Variants in KCNS2 observed in about 807,000 individuals in gnomAD.
KCNS2 encodes the protein delayed-rectifier potassium channel regulatory subunit KCNS2.
In KCNS2, 15 loss-of-function variants were observed where a neutral mutation model predicts 28.3. The ratio of observed to expected loss-of-function variants is 0.53; its 90% CI spans 0.35 to 0.82. The LOEUF (loss-of-function observed/expected upper bound fraction) is 0.82, where lower values mean the gene tolerates loss of function less well. Among genes scored for constraint, KCNS2 ranks in the 40% least tolerant of loss-of-function variants. KCNS2 has a pLI of 0.01. For missense variants in KCNS2, 501 were observed against 617.1 expected (o/e 0.81, Z 1.99); for synonymous variants, 254 against 256.7 (o/e 0.99, Z 0.10).
Position 98,430,965 on chromosome 8 carries a change from T to G in KCNS2, c.*1552T>G, listed in dbSNP as rs761885754. ...GTGATGGGGAACCTGGGTTCCTCTATAAGATAATTCTTCTCCATCATCTTT... is the reference window on the plus strand; with the variant it reads ...GTGATGGGGAACCTGGGTTCCTCTAGAAGATAATTCTTCTCCATCATCTTT... On this transcript the variant is annotated 3_prime_UTR_variant, in exon 2 of 2. Coordinates refer to ENST00000287042, the MANE Select transcript of KCNS2 (RefSeq NM_020697.4). The G allele has an allele frequency of 6.0e-6, 1 of 167,138 alleles. No individual in the cohort carries two copies. Among genetic ancestry groups the G allele is most frequent in the Admixed American group, 6.5e-5 (1 of 15,290 alleles). 10.4% of individuals were successfully genotyped at this position (167,138 alleles called of 1,614,324 possible).
rs998735488 is a variant in KCNS2 at position 98,428,967 on chromosome 8, G to C, written c.988G>C (p.Gly330Arg). 14 of 1,614,022 alleles carry C rather than the reference G, an allele frequency of 8.7e-6. No individual in the cohort carries two copies. The highest frequency in any genetic ancestry group is 4.0e-5 in the African/African-American group (3 of 74,922). Residue 330 changes from glycine (G) to arginine (R), a missense_variant, in exon 2 of 2, where the codon GGG becomes CGG. Gly to Arg is a moderately radical substitution (Grantham distance 125, BLOSUM62 -2). Transcript: ENST00000287042. This position sits in a 1 kb window ranked among gnomAD's most constrained non-coding sequence, Gnocchi z 6.7. ...ATLKYSYKEV[G>R]LLLLYLSVGI... ...TTTGAAATACAGCTACAAAGAAGTAGGGCTGCTCTTGCTCTACCTCTCCGT... is the reference window on the plus strand; with the variant it reads ...TTTGAAATACAGCTACAAAGAAGTACGGCTGCTCTTGCTCTACCTCTCCGT...
rs1818297759 is a variant in KCNS2, at chr8:98,429,488, A to G, written c.*75A>G. On this transcript the variant is annotated 3_prime_UTR_variant, in exon 2 of 2. Coordinates refer to ENST00000287042, the MANE Select transcript of KCNS2 (RefSeq NM_020697.4). ...GCCTCTGGCACAGCCCAGGCACCTT[A>G]TGGTTATGGTGTAAGGAGTATGCCC... 3 of 1,073,014 alleles carry G rather than the reference A, an allele frequency of 2.8e-6. No homozygotes were observed. Among genetic ancestry groups the G allele is most frequent in the Non-Finnish European group, 4.2e-6 (3 of 718,296 alleles). The allele number at this position is 1,073,014 out of a possible 1,614,324, so 66.5% of individuals were successfully genotyped here.
rs1467294833 is a variant in KCNS2, at chr8:98,429,756, T to C, written c.*343T>C. The C allele has an allele frequency of 4.5e-6, 1 of 221,666 alleles. No individual in the cohort carries two copies. Among genetic ancestry groups the C allele is most frequent in the Non-Finnish European group, 9.7e-6 (1 of 102,800 alleles). 13.7% of individuals were successfully genotyped at this position (221,666 alleles called of 1,614,324 possible). A position where few individuals can be genotyped will look rare whatever the true frequency, so the allele number is the denominator to read the frequency against. ...AGTGCTTGTGGCCCAGTACTGTCTA[T>C]GAGTTGTCGTGCTCCTGTTTCTGAG... On this transcript the variant is annotated 3_prime_UTR_variant, in exon 2 of 2. Coordinates refer to ENST00000287042, the MANE Select transcript of KCNS2 (RefSeq NM_020697.4).
In KCNS2 at chr8:98,432,373, G is replaced by T. The variant is rs1283603811; in HGVS notation, c.*2960G>T. 6.0e-6 allele frequency: 1 copy of T among 167,090 alleles called. No homozygotes were observed. The highest frequency in any genetic ancestry group is 1.5e-5 in the Non-Finnish European group (1 of 68,128). The allele number at this position is 167,090 out of a possible 1,614,324, so 10.4% of individuals were successfully genotyped here. A position where few individuals can be genotyped will look rare whatever the true frequency, so the allele number is the denominator to read the frequency against. The stretch of plus-strand genomic sequence containing the variant: ...CCAGTGGGCCAAATATATGGGCCAG[G>T]CTTTGATATCTGTGATGTGCATTTT... On this transcript the variant is annotated 3_prime_UTR_variant, in exon 2 of 2. Transcript: ENST00000287042.
At position 98,427,016 on chromosome 8, in the gene KCNS2, C is replaced by T. The variant is rs1818244071; in HGVS notation, c.-356C>T. ...CCGTCACACCCGCTCTGCTCCCGCC[C>T]CGGCTCACGGGGCGAATGCGGCGCG... On this transcript the variant is annotated 5_prime_UTR_variant, in exon 1 of 2. Transcript: ENST00000287042. The T allele has an allele frequency of 6.6e-6, 1 of 150,628 alleles. No individual in the cohort carries two copies. Among genetic ancestry groups the T allele is most frequent in the Admixed American group, 6.6e-5 (1 of 15,132 alleles). 9.3% of individuals were successfully genotyped at this position (150,628 alleles called of 1,614,324 possible).
Position 98,429,261 on chromosome 8 carries a change from C to A in KCNS2, c.1282C>A (p.Arg428Ser). The A allele has an allele frequency of 6.2e-7, 1 of 1,614,080 alleles. No individual in the cohort carries two copies. The highest frequency in any genetic ancestry group is 8.5e-7 in the Non-Finnish European group (1 of 1,180,040). ...RRQKQLESAM[R>S]SCDFGDGMKE... is the part of the protein sequence containing the mutation. ...CCAAAAGCAACTTGAGAGTGCCATG[C>A]GCAGCTGTGACTTTGGAGATGGAAT... Residue 428 changes from arginine (R) to serine (S), a missense_variant, in exon 2 of 2, where the codon CGC becomes AGC. Physicochemically the swap from Arg to Ser is moderately radical, Grantham distance 110 (BLOSUM62 -1). Transcript: ENST00000287042.
chr8:98,430,978 C>A lies in KCNS2; in HGVS notation c.*1565C>A, dbSNP rs927953895. The A allele has an allele frequency of 4.2e-5, 7 of 167,100 alleles. No individual in the cohort carries two copies. Among genetic ancestry groups the A allele is most frequent in the African/African-American group, 1.7e-4 (7 of 41,468 alleles). 10.4% of individuals were successfully genotyped at this position (167,100 alleles called of 1,614,324 possible). A position where few individuals can be genotyped will look rare whatever the true frequency, so the allele number is the denominator to read the frequency against. On this transcript the variant is annotated 3_prime_UTR_variant, in exon 2 of 2. Coordinates refer to ENST00000287042, the MANE Select transcript of KCNS2 (RefSeq NM_020697.4). The stretch of plus-strand genomic sequence containing the variant: ...TGGGTTCCTCTATAAGATAATTCTT[C>A]TCCATCATCTTTAAGGTAATCTGAT...
chr8:98,432,403 G>C lies in KCNS2; in HGVS notation c.*2990G>C, dbSNP rs764271962. 6.0e-6 allele frequency: 1 copy of C among 167,124 alleles called. No homozygotes were observed. Among genetic ancestry groups the C allele is most frequent in the African/African-American group, 2.4e-5 (1 of 41,458 alleles). The allele number at this position is 167,124 out of a possible 1,614,324, so 10.4% of individuals were successfully genotyped here. On this transcript the variant is annotated 3_prime_UTR_variant, in exon 2 of 2. Transcript: ENST00000287042. Reference sequence around the variant, plus strand: ...GATATCTGTGATGTGCATTTTGGAAGTGCTGGGTTGGGAAGTGACACGTCT... The same window carrying C: ...GATATCTGTGATGTGCATTTTGGAACTGCTGGGTTGGGAAGTGACACGTCT...
At position 98,429,373 on chromosome 8, in the gene KCNS2, G is replaced by A; in HGVS notation, c.1394G>A (p.Ser465Asn). 2 of 1,613,920 alleles carry A rather than the reference G, an allele frequency of 1.2e-6. No homozygotes were observed. The highest frequency in any genetic ancestry group is 1.7e-6 in the Non-Finnish European group (2 of 1,179,848). ...GCAAGCCTGACGAACATGAGCAGGA[G>A]CTCACCAAGTGAACTCAGTTTAAAT... is the stretch of plus-strand genomic sequence containing the variant. ...LMASLTNMSR[S>N]SPSELSLNDS... Residue 465 changes from serine to asparagine, a missense_variant, in exon 2 of 2, where the codon AGC becomes AAC. Transcript: ENST00000287042.
Position 98,428,335 on chromosome 8 carries a change from G to A in KCNS2, c.356G>A (p.Cys119Tyr), listed in dbSNP as rs1818272984. 6.2e-7 allele frequency: 1 copy of A among 1,614,156 alleles called. No individual in the cohort carries two copies. Among genetic ancestry groups the A allele is most frequent in the East Asian group, 2.2e-5 (1 of 44,870 alleles). The part of the protein sequence containing the change: ...GINEFFIDSC[C>Y]SYSYHGRKVE... ...AACGAGTTCTTCATTGACTCCTGCTGCAGCTACAGCTACCATGGCCGCAAA... is the reference window on the plus strand; with the variant it reads ...AACGAGTTCTTCATTGACTCCTGCTACAGCTACAGCTACCATGGCCGCAAA... Residue 119 changes from cysteine to tyrosine, a missense_variant, in exon 2 of 2, where the codon TGC (cysteine) becomes TAC (tyrosine). Physicochemically the swap from Cys to Tyr is radical, Grantham distance 194. Coordinates refer to ENST00000287042, the MANE Select transcript of KCNS2 (RefSeq NM_020697.4). The surrounding 1 kb of genome is among the most constrained non-coding windows in gnomAD (Gnocchi z 6.7).
rs1482931939 is a variant in KCNS2 at position 98,432,209 on chromosome 8, C to T, written c.*2796C>T. 6.0e-6 allele frequency: 1 copy of T among 166,972 alleles called. No individual in the cohort carries two copies. The highest frequency in any genetic ancestry group is 1.5e-5 in the Non-Finnish European group (1 of 68,130). 10.3% of individuals were successfully genotyped at this position (166,972 alleles called of 1,614,324 possible). ...AATTTTCTGTAAAAATATGAGGTGA[C>T]ATCTTTGGCAACCAGGCTGTCAGAC... On this transcript the variant is annotated 3_prime_UTR_variant, in exon 2 of 2. Coordinates refer to ENST00000287042, the MANE Select transcript of KCNS2 (RefSeq NM_020697.4).
intron 1 of KCNS2, 185 bp from the exon 2 acceptor site, chr8:98,427,753 A>T: frequency 2.1e-6 from 1 of 475,708 alleles, no homozygotes; most frequent in Non-Finnish European, 3.7e-6. Flanking sequence ...GAGCTGTGCT[A>T]ATAGAAACAT....
rs765052482 is a variant in KCNS2, at chr8:98,430,832, G to A, written c.*1419G>A. 6.0e-6 allele frequency: 1 copy of A among 167,064 alleles called. No homozygotes were observed. The highest frequency in any genetic ancestry group is 1.5e-5 in the Non-Finnish European group (1 of 68,116). The allele number at this position is 167,064 out of a possible 1,614,324, so 10.3% of individuals were successfully genotyped here. A position where few individuals can be genotyped will look rare whatever the true frequency, so the allele number is the denominator to read the frequency against. ...AAATTGTAAACTTGAAAAGCTTAAT[G>A]CTATTCAAAAGACCTTCAAGCTTCC... On this transcript the variant is annotated 3_prime_UTR_variant, in exon 2 of 2. Coordinates refer to ENST00000287042, the MANE Select transcript of KCNS2 (RefSeq NM_020697.4).
rs946962200 is a variant in KCNS2 at position 98,431,000 on chromosome 8, T to C, written c.*1587T>C. The C allele has an allele frequency of 1.2e-5, 2 of 167,108 alleles. No homozygotes were observed. The highest frequency in any genetic ancestry group is 2.9e-5 in the Non-Finnish European group (2 of 68,120). The allele number at this position is 167,108 out of a possible 1,614,324, so 10.4% of individuals were successfully genotyped here. ...CTTCTCCATCATCTTTAAGGTAATCTGATGGTTTTCCAGGTGGCTTTCATT... is the reference window on the plus strand; with the variant it reads ...CTTCTCCATCATCTTTAAGGTAATCCGATGGTTTTCCAGGTGGCTTTCATT... On this transcript the variant is annotated 3_prime_UTR_variant, in exon 2 of 2. Coordinates refer to ENST00000287042, the MANE Select transcript of KCNS2 (RefSeq NM_020697.4).
chr8:98,427,924 C>G lies in KCNS2; in HGVS notation c.-42-14C>G, dbSNP rs1422435816. The stretch of plus-strand genomic sequence containing the variant: ...GCACGGCGCTCTCGCCGACGCTGTT[C>G]CCTCCGCTTCCAGGTGTAGCGCCCC... On this transcript the variant is annotated splice_polypyrimidine_tract_variant and intron_variant, in intron 1 of 1. Coordinates refer to ENST00000287042, the MANE Select transcript of KCNS2 (RefSeq NM_020697.4). 7.1e-7 allele frequency: 1 copy of G among 1,399,990 alleles called. No homozygotes were observed. The highest frequency in any genetic ancestry group is 9.5e-7 in the Non-Finnish European group (1 of 1,048,412). 86.7% of individuals were successfully genotyped at this position (1,399,990 alleles called of 1,614,324 possible).
rs745804262 is a variant in KCNS2, at chr8:98,429,367, G to T, written c.1388G>T (p.Ser463Ile). ...KSLMASLTNM[S>I]RSSPSELSLN... ...CTTATGGCAAGCCTGACGAACATGA[G>T]CAGGAGCTCACCAAGTGAACTCAGT... Residue 463 changes from serine to isoleucine, a missense_variant, in exon 2 of 2, where the codon AGC (serine) becomes ATC (isoleucine). Coordinates refer to ENST00000287042, the MANE Select transcript of KCNS2 (RefSeq NM_020697.4). 3.1e-6 allele frequency: 5 copies of T among 1,614,014 alleles called. No homozygotes were observed. Among genetic ancestry groups the T allele is most frequent in the Non-Finnish European group, 4.2e-6 (5 of 1,179,884 alleles).
rs748062861 is a variant in KCNS2 at position 98,428,445 on chromosome 8, A to T, written c.466A>T (p.Asn156Tyr). The T allele has an allele frequency of 1.2e-6, 2 of 1,614,070 alleles. No individual in the cohort carries two copies. The highest frequency in any genetic ancestry group is 4.5e-5 in the East Asian group (2 of 44,854). ...SSFDEILAFY[N>Y]DASKFDGQPL... ...CTTCGATGAGATCCTTGCCTTCTAC[A>T]ACGACGCCTCCAAGTTCGATGGGCA... The change falls in exon 2 of 2, where the codon AAC (asparagine) becomes TAC (tyrosine). Residue 156 changes from asparagine (N) to tyrosine (Y), a missense_variant. By Grantham distance (143) the Asn-to-Tyr change is moderately radical. Coordinates refer to ENST00000287042, the MANE Select transcript of KCNS2 (RefSeq NM_020697.4). The surrounding 1 kb of genome is among the most constrained non-coding windows in gnomAD (Gnocchi z 6.7).
At chr8:98,427,911 C>A in intron 1 of KCNS2, 27 bp from the exon 2 acceptor site, 1 of 1,347,140 alleles carries the variant, frequency 7.4e-7, no homozygotes, top group Non-Finnish European at 1.0e-6. Context: ...ACGGCGCTCT[C>A]GCCGACGCTG....
rs544141365 is a variant in KCNS2 at position 98,429,500 on chromosome 8, T to C, written c.*87T>C. 1.1e-6 allele frequency: 1 copy of C among 939,904 alleles called. No homozygotes were observed. The highest frequency in any genetic ancestry group is 1.6e-5 in the South Asian group (1 of 62,868). The allele number at this position is 939,904 out of a possible 1,614,324, so 58.2% of individuals were successfully genotyped here. A position where few individuals can be genotyped will look rare whatever the true frequency, so the allele number is the denominator to read the frequency against. On this transcript the variant is annotated 3_prime_UTR_variant, in exon 2 of 2. Coordinates refer to ENST00000287042, the MANE Select transcript of KCNS2 (RefSeq NM_020697.4). ...GCCCAGGCACCTTATGGTTATGGTG[T>C]AAGGAGTATGCCCAGCCCCTGAGGG...
Sources: gnomAD v4.1 joint callset for allele counts on GRCh38, gnomAD v4.1.1 for gene constraint, Gnocchi (gnomAD v3.1) non-coding constraint, MANE v1.5 for transcripts, NCBI Gene and HGNC (gene_info 2026-07-23, HGNC 2026-07-21) for gene names.